AKR1B1: variants seen among roughly 807,000 people sequenced by gnomAD.
AKR1B1 encodes aldo-keto reductase family 1 member B, also known as aldo-keto reductase family 1 member B1.
Under a neutral mutation model 40.4 loss-of-function variants are expected in AKR1B1, and 22 were observed. That is an observed-to-expected ratio of 0.54 (90% CI 0.39 to 0.78). The LOEUF (loss-of-function observed/expected upper bound fraction) is 0.78, where lower values mean the gene tolerates loss of function less well. AKR1B1 is among the 30% of genes least tolerant of loss of function. The pLI, the probability that AKR1B1 is intolerant of heterozygous loss-of-function variation, is 0.00. For synonymous variants in AKR1B1, 157 were observed against 149.9 expected (o/e 1.05, Z -0.35); for missense variants, 357 against 396.7 (o/e 0.90, Z 0.85).
At chr7:134,452,682 G>A (rs930967180) in intron 1 of AKR1B1, among the ~76,000 whole-genome samples, 2 of 152,176 alleles carry the variant, frequency 1.3e-5, no homozygotes, top group African/African-American at 2.4e-5. Flanking sequence ...CATGTGCAGC[G>A]GGCTGTTGAA....
chr7:134,447,861 C>A, intron 7 of AKR1B1, 119 bp downstream of exon 7: 9 of 886,738 alleles, frequency 1.0e-5, no homozygotes, highest in Admixed American at 2.0e-5. Context: ...TACTTGAGGA[C>A]CCCTAACCAT....
chr7:134,443,595 TGGCAGGGAGCACAG>T (rs2117444623), intron 9 of AKR1B1, among the ~76,000 whole-genome samples: 1 of 148,864 alleles, frequency 6.7e-6, no homozygotes, highest in African/African-American at 2.5e-5. Context: ...AGGGAGCACA[TGGCAGGGAGCACAG>T]GTGCAGACGT....
At chr7:134,445,949 C>T (rs187056519) in intron 8 of AKR1B1, among the ~76,000 whole-genome samples, 1 of 152,288 alleles carries the variant, frequency 6.6e-6, no homozygotes, top group Non-Finnish European at 1.5e-5. Context: ...CAGGCAGGCA[C>T]CACTGGGTGA....
Position 134,442,716 on chromosome 7 carries a change from G to A in AKR1B1, c.*12C>T, listed in dbSNP as rs2117443110. 3.7e-6 allele frequency: 6 copies of A among 1,613,914 alleles called. No homozygotes were observed. The highest frequency in any genetic ancestry group is 5.1e-6 in the Non-Finnish European group (6 of 1,179,810). ...GTATAGGTCACTTGGGGACGAGCAG[G>A]CAACCACAGCTTCAAAACTCTTCAT... On this transcript the variant is annotated 3_prime_UTR_variant, in exon 10 of 10. Transcript: ENST00000285930.
intron 9 of AKR1B1, among the ~76,000 whole-genome samples, chr7:134,444,526 A>G (rs562210690): frequency 2.6e-4 from 39 of 152,396 alleles, no homozygotes; most frequent in African/African-American, 8.9e-4. Context: ...GAGAGTGTGG[A>G]AACACAGAGC....
intron 5 of AKR1B1, 67 bp from the exon 6 acceptor site, chr7:134,448,560 C>A (rs1806180645): frequency 1.4e-5 from 17 of 1,222,946 alleles, no homozygotes; most frequent in Non-Finnish European, 1.8e-5. Flanking sequence ...ACAGATGAAG[C>A]TTCCTATGCT....
intron 1 of AKR1B1, among the ~76,000 whole-genome samples, chr7:134,457,918 TGAGCCCAG>T (rs1386646375): frequency 6.6e-6 from 1 of 152,126 alleles, no homozygotes; most frequent in Non-Finnish European, 1.5e-5. Context: ...GAGGATCACT[TGAGCCCAG>T]GAGTTCCAGG....
At chr7:134,445,624 G>A (rs899205224) in intron 8 of AKR1B1, among the ~76,000 whole-genome samples, 1 of 152,176 alleles carries the variant, frequency 6.6e-6, no homozygotes, top group Non-Finnish European at 1.5e-5. Flanking sequence ...TATAATTATG[G>A]GTAAGATGTG....
chr7:134,447,996 T>C lies in AKR1B1; in HGVS notation c.725A>G (p.Asn242Ser), dbSNP rs1378323150. The C allele has an allele frequency of 1.2e-6, 2 of 1,613,114 alleles. No individual in the cohort carries two copies. The highest frequency in any genetic ancestry group is 2.2e-5 in the East Asian group (1 of 44,822). The change falls in exon 7 of 10, where the codon AAT becomes AGT. Residue 242 changes from asparagine to serine, a missense_variant. Transcript: ENST00000285930. ...TGGCTGTACCTGGGCTGTAGTTTTATTGTGCTTGGCTGCGATCGCCTTGAT... is the reference window on the plus strand; with the variant it reads ...TGGCTGTACCTGGGCTGTAGTTTTACTGTGCTTGGCTGCGATCGCCTTGAT... ...PRIKAIAAKH[N>S]KTTAQVLIRF...
In AKR1B1 at chr7:134,443,916, T is replaced by C. The variant is rs1806017481; in HGVS notation, c.909-1146A>G. 2.0e-5 allele frequency among the ~76,000 whole-genome samples: 3 copies of C among 152,110 alleles called. No homozygotes were observed. The South Asian group carries it at 6.2e-4, about 32-fold the overall frequency. On this transcript the variant is annotated intron_variant, in intron 9 of 9. Transcript: ENST00000285930. ...CTAGGAGACCTGAGCATGTCAGGGC[T>C]AGCCTCTTCCTCCCACTCACCGCCA...
rs1404600126 is a variant in AKR1B1 at position 134,447,537 on chromosome 7, T to C, written c.742-156A>G. On this transcript the variant is annotated intron_variant, in intron 7 of 9. Transcript: ENST00000285930. Reference sequence around the variant, plus strand: ...ATGTCAGGTCACAGCTAGCAACAGGTAGGCGACGCATTCAGGTCCAGATCT... The same window carrying C: ...ATGTCAGGTCACAGCTAGCAACAGGCAGGCGACGCATTCAGGTCCAGATCT... The C allele has an allele frequency of 4.2e-6, 3 of 715,878 alleles. No homozygotes were observed. The African/African-American group carries it at 5.2e-5, about 12-fold the overall frequency. 44.3% of individuals were successfully genotyped at this position (715,878 alleles called of 1,614,324 possible).
chr7:134,445,315 A>C lies in AKR1B1; in HGVS notation c.831T>G (p.Phe277Leu). The C allele has an allele frequency of 1.2e-6, 2 of 1,612,100 alleles. No homozygotes were observed. The highest frequency in any genetic ancestry group is 1.7e-6 in the Non-Finnish European group (2 of 1,179,252). The change falls in exon 9 of 10, where the codon TTT becomes TTG. Residue 277 changes from phenylalanine (F) to leucine (L), a missense_variant. Physicochemically the swap from Phe to Leu is conservative, Grantham distance 22. Transcript: ENST00000285930. ...TATCCTGGCTGCTCAGTTCAAAGTC[A>C]AAGACCTAAAAAACAAACAAAAAAA... ...PERIAENFKV[F>L]DFELSSQDMT...
upstream of AKR1B1, chr7:134,459,134 C>A: frequency 6.5e-7 from 1 of 1,534,682 alleles, no homozygotes; most frequent in East Asian, 2.4e-5. Context: ...TTAAATAGCC[C>A]GTGAGGTCGG....
intron 9 of AKR1B1, 98 bp downstream of exon 9, chr7:134,445,140 G>A (rs1474293414): frequency 1.0e-5 from 11 of 1,064,882 alleles, no homozygotes; most frequent in East Asian, 5.0e-5. Flanking sequence ...CAGCTGTGAC[G>A]AGAGCACATT....
At chr7:134,445,917 T>G (rs2551472) in intron 8 of AKR1B1, among the ~76,000 whole-genome samples, 32,056 of 152,162 alleles carry the variant, frequency 0.21, 4,623 homozygotes, top group East Asian at 0.62. Flanking sequence ...TCAGCTGGCA[T>G]GGAGGCTGGG....
chr7:134,450,826 T>A lies in AKR1B1; in HGVS notation c.311A>T (p.Tyr104Phe). The A allele has an allele frequency of 1.2e-6, 2 of 1,614,164 alleles. No individual in the cohort carries two copies. The highest frequency in any genetic ancestry group is 1.7e-6 in the Non-Finnish European group (2 of 1,180,032). The change falls in exon 3 of 10, where the codon TAC (tyrosine) becomes TTC (phenylalanine). Residue 104 changes from tyrosine (Y) to phenylalanine (F), a missense_variant. Tyr to Phe is a conservative substitution (Grantham distance 22, BLOSUM62 3). Coordinates refer to ENST00000285930, the MANE Select transcript of AKR1B1 (RefSeq NM_001628.4). Reference protein sequence around the residue: ...QKTLSDLKLDYLDLYLIHWPT... With the variant: ...QKTLSDLKLDFLDLYLIHWPT... ...CCAGTGAATAAGGTAGAGGTCCAGG[T>A]AGTCCAGCTTCAGGTCGCTGAGTGT...
chr7:134,457,455 C>A (rs929926616), intron 1 of AKR1B1, among the ~76,000 whole-genome samples: 2 of 152,134 alleles, frequency 1.3e-5, no homozygotes, highest in Non-Finnish European at 2.9e-5. Context: ...CAATTACAAC[C>A]TTAGAGACAC....
intron 1 of AKR1B1, among the ~76,000 whole-genome samples, chr7:134,455,043 A>C (rs1806424131): frequency 2.0e-5 from 3 of 152,196 alleles, no homozygotes; most frequent in Admixed American, 2.0e-4. Flanking sequence ...TGTTACCTCC[A>C]TGCCCACAGC....
At chr7:134,448,328 T>C in intron 6 of AKR1B1, 59 bp downstream of exon 6, 2 of 1,438,246 alleles carry the variant, frequency 1.4e-6, no homozygotes, top group Non-Finnish European at 2.0e-6. Context: ...AATTGTTCTT[T>C]TTAGTCTTTT....
Sources: allele counts gnomAD v4.1 joint callset (sites outside exome capture counted in the v4.1 genomes callset), GRCh38; gene constraint gnomAD v4.1.1; transcripts MANE v1.5; gene names NCBI Gene and HGNC (gene_info 2026-07-23, HGNC 2026-07-21).